Variants in RIC1 observed in about 807,000 individuals in gnomAD.
RIC1 encodes the protein RIC1 partner of RAB6A GEF complex.
In RIC1, 88 loss-of-function variants were observed where a neutral mutation model predicts 169.0. That is an observed-to-expected ratio of 0.52 (90% CI 0.44 to 0.62). The LOEUF is 0.62. RIC1 is among the 20% of genes least tolerant of loss of function. The probability of loss-of-function intolerance (pLI) is 0.00; values close to 1 mark genes in which losing one functional copy is unlikely to be tolerated. For synonymous variants in RIC1, 790 were observed against 601.5 expected, an observed-to-expected ratio of 1.31 and a Z score of -4.59; for missense variants, 1,877 against 1,725.5, an observed-to-expected ratio of 1.09 and a Z score of -1.56.
At chr9:5,639,234 T>G (rs1013925966) in intron 1 of RIC1, among the ~76,000 whole-genome samples, 5 of 152,220 alleles carry the variant, frequency 3.3e-5, no homozygotes, top group African/African-American at 1.2e-4. Flanking sequence ...GTAATACTTA[T>G]AGCTATAAAT....
chr9:5,646,960 T>G (rs1001612720), intron 1 of RIC1, among the ~76,000 whole-genome samples: 1 of 152,096 alleles, frequency 6.6e-6, no homozygotes, highest in Non-Finnish European at 1.5e-5. Context: ...TTTAGAGTTT[T>G]GATCACTTTG....
chr9:5,752,868 C>T (rs1274592706), intron 12 of RIC1, among the ~76,000 whole-genome samples: 1 of 152,172 alleles, frequency 6.6e-6, no homozygotes, highest in East Asian at 1.9e-4. Context: ...CAAACCCAAA[C>T]TGTTCATCTG....
chr9:5,722,733 G>A (rs1823684674), intron 6 of RIC1, among the ~76,000 whole-genome samples: 1 of 151,982 alleles, frequency 6.6e-6, no homozygotes, highest in African/African-American at 2.4e-5. Flanking sequence ...ACAGGCCCTG[G>A]TGTGTGATGT....
In RIC1 at chr9:5,772,729, A is replaced by G. The variant is rs1229134252; in HGVS notation, c.3782A>G (p.Gln1261Arg). The change falls in exon 24 of 26, where the codon CAG becomes CGG. Residue 1261 changes from glutamine (Q) to arginine (R), a missense_variant. By Grantham distance (43) the Gln-to-Arg change is conservative. Around this residue, in one of 3 missense-constraint regions of RIC1, gnomAD observed 681 missense variants for 582.0 expected, o/e 1.17. Transcript: ENST00000414202. ...GCCAGTAAAGGGCCTCATAAATCCC[A>G]GGTCCAGCTTCGGTGAGTTTCTTGG... Reference protein sequence around the residue: ...ELASKGPHKSQVQLRYLLHIF... With the variant: ...ELASKGPHKSRVQLRYLLHIF... 6.2e-7 allele frequency: 1 copy of G among 1,606,398 alleles called. No individual in the cohort carries two copies. Among genetic ancestry groups the G allele is most frequent in the East Asian group, 2.2e-5 (1 of 44,768 alleles).
intron 2 of RIC1, among the ~76,000 whole-genome samples, chr9:5,686,690 G>T: frequency 6.6e-6 from 1 of 151,782 alleles, no homozygotes; most frequent in Non-Finnish European, 1.5e-5. Flanking sequence ...TGACGAGTTA[G>T]TGGGTGCAGC....
At position 5,746,199 on chromosome 9, in the gene RIC1, A is replaced by G. The variant is rs113165861; in HGVS notation, c.1248+116A>G. The G allele has an allele frequency of 1.9e-3, 1,210 of 627,202 alleles. 17 individuals are homozygous for G. In the African/African-American group the frequency reaches 0.02, roughly 11 times the overall value. The allele number at this position is 627,202 out of a possible 1,614,324, so 38.9% of individuals were successfully genotyped here. A position where few individuals can be genotyped will look rare whatever the true frequency, so the allele number is the denominator to read the frequency against. Reference sequence around the variant, plus strand: ...AAATTGGCATATTATCTTCTTTTCTATGATTCTTGTGTTTCTTTTTAATTT... The same window carrying G: ...AAATTGGCATATTATCTTCTTTTCTGTGATTCTTGTGTTTCTTTTTAATTT... On this transcript the variant is annotated intron_variant, in intron 11 of 25. Transcript: ENST00000414202.
At position 5,690,000 on chromosome 9, in the gene RIC1, A is replaced by G. The variant is rs1417894192; in HGVS notation, c.294A>G (p.Thr98=). 1 of 1,600,240 alleles carries G rather than the reference A, an allele frequency of 6.2e-7. No homozygotes were observed. Among genetic ancestry groups the G allele is most frequent in the Admixed American group, 1.8e-5 (1 of 55,836 alleles). Residue 98 remains threonine, a synonymous_variant, in exon 3 of 26, where the codon ACA becomes ACG. Coordinates refer to ENST00000414202, the MANE Select transcript of RIC1 (RefSeq NM_020829.4). The part of the protein sequence containing the change: ...GYILFFHITS[T]RGDKYLYEPV... The stretch of plus-strand genomic sequence containing the variant: ...TCTTGTTTTTTCATATTACATCTAC[A>G]AGAGGGGACAAGTACCTTTATGAAC...
chr9:5,741,997 T>A (rs1394431495), intron 8 of RIC1, among the ~76,000 whole-genome samples: 1 of 152,208 alleles, frequency 6.6e-6, no homozygotes, highest in East Asian at 1.9e-4. Flanking sequence ...TTGTATTCTC[T>A]GTTTGAACCA....
chr9:5,756,736 T>C (rs1036640376), intron 16 of RIC1, among the ~76,000 whole-genome samples: 2 of 152,164 alleles, frequency 1.3e-5, no homozygotes, highest in Non-Finnish European at 2.9e-5. Flanking sequence ...TTTAAGACTG[T>C]AGGAAGCATG....
rs188573767 is a variant in RIC1 at position 5,704,225 on chromosome 9, T to A, written c.333-9671T>A. 3.6e-3 allele frequency among the ~76,000 whole-genome samples: 547 copies of A among 152,200 alleles called. 3 individuals are homozygous for A. Among genetic ancestry groups the A allele is most frequent in the Middle Eastern group, 0.014 (4 of 292 alleles). ...TCTTCTTCCCACTGTCTTTTTTTTT[T>A]TTATTTTTTTAAAGAAAGCTTCTTG... On this transcript the variant is annotated intron_variant, in intron 3 of 25. Coordinates refer to ENST00000414202, the MANE Select transcript of RIC1 (RefSeq NM_020829.4).
intron 6 of RIC1, among the ~76,000 whole-genome samples, chr9:5,726,858 C>T (rs1824025363): frequency 6.6e-6 from 1 of 152,310 alleles, no homozygotes; most frequent in Middle Eastern, 3.4e-3. Context: ...AAATTCTTTT[C>T]TATAAGAATG....
Position 5,720,651 on chromosome 9 carries a change from A to T in RIC1, c.621A>T (p.Arg207Ser). Residue 207 changes from arginine (R) to serine (S), a missense_variant, in exon 6 of 26, where the codon AGA (arginine) becomes AGT (serine). Physicochemically the swap from Arg to Ser is moderately radical, Grantham distance 110. Around this residue, in one of 3 missense-constraint regions of RIC1, gnomAD observed 1,104 missense variants for 992.0 expected, o/e 1.11. Coordinates refer to ENST00000414202, the MANE Select transcript of RIC1 (RefSeq NM_020829.4). ...SFLGFTDVHIRDMEYCATLDG... is the reference protein window; with the variant it reads ...SFLGFTDVHISDMEYCATLDG... ...TGGGCTTCACAGACGTACACATCAGAGACATGGAATACTGTGCCACACTTG... is the reference window on the plus strand; with the variant it reads ...TGGGCTTCACAGACGTACACATCAGTGACATGGAATACTGTGCCACACTTG... 6.2e-7 allele frequency: 1 copy of T among 1,610,906 alleles called. No individual in the cohort carries two copies. The highest frequency in any genetic ancestry group is 8.5e-7 in the Non-Finnish European group (1 of 1,178,828).
At chr9:5,679,532 GT>G (rs1563892601) in intron 2 of RIC1, among the ~76,000 whole-genome samples, 3 of 152,272 alleles carry the variant, frequency 2.0e-5, no homozygotes, top group African/African-American at 4.8e-5. Flanking sequence ...GTGCTTTGTA[GT>G]TCTCCTTGAA....
intron 3 of RIC1, among the ~76,000 whole-genome samples, chr9:5,694,388 C>G (rs746908263): frequency 6.6e-6 from 1 of 152,126 alleles, no homozygotes; most frequent in Non-Finnish European, 1.5e-5. Context: ...AATAATAAAC[C>G]TTGTTCTACA....
Position 5,747,322 on chromosome 9 carries a change from G to A in RIC1, c.1269G>A (p.Leu423=). ...TTTAGAGTAACCAAGAGCAGGTGTT[G>A]CTTCAGGGTGAGGATCGCTTGTACT... ...NPCMSNQEQV[L]LQGEDRLYLN... The change falls in exon 12 of 26, where the codon TTG becomes TTA. Residue 423 remains leucine (L), a synonymous_variant. Transcript: ENST00000414202. The A allele has an allele frequency of 3.1e-6, 5 of 1,613,802 alleles. No homozygotes were observed. The highest frequency in any genetic ancestry group is 4.2e-6 in the Non-Finnish European group (5 of 1,179,816).
chr9:5,742,007 A>G (rs1825113008), intron 8 of RIC1, among the ~76,000 whole-genome samples: 2 of 152,188 alleles, frequency 1.3e-5, no homozygotes, highest in Admixed American at 6.6e-5. Flanking sequence ...TGTTTGAACC[A>G]CATTAAATTG....
intron 1 of RIC1, among the ~76,000 whole-genome samples, chr9:5,630,600 A>G (rs1211687548): frequency 2.0e-5 from 3 of 152,178 alleles, no homozygotes; most frequent in Non-Finnish European, 4.4e-5. Flanking sequence ...TTTGACTGTC[A>G]TAGTTGGGCT....
chr9:5,636,446 A>G (rs79440574), intron 1 of RIC1, among the ~76,000 whole-genome samples: 5 of 152,060 alleles, frequency 3.3e-5, no homozygotes, highest in African/African-American at 1.2e-4. Flanking sequence ...CAGCCTCCTG[A>G]GTAGCTGGGA....
intron 3 of RIC1, among the ~76,000 whole-genome samples, chr9:5,695,294 G>C (rs1163914064): frequency 1.3e-5 from 2 of 152,134 alleles, no homozygotes; most frequent in African/African-American, 4.8e-5. Flanking sequence ...AAGAAATGAT[G>C]AACTTTTTTT....
Sources: gnomAD v4.1 joint callset for allele counts (sites outside exome capture counted in the v4.1 genomes callset) on GRCh38, gnomAD v4.1.1 for gene constraint, gnomAD v4.1.1 regional missense constraint, MANE v1.5 for transcripts, NCBI Gene and HGNC (gene_info 2026-07-23, HGNC 2026-07-21) for gene names.